Variants in EP400 observed in about 807,000 individuals in gnomAD.
EP400 encodes E1A-binding protein p400.
Under a neutral mutation model 354.1 loss-of-function variants are expected in EP400, and 105 were observed. The observed-to-expected ratio is 0.30, with a 90% CI of 0.25 to 0.35. The LOEUF (loss-of-function observed/expected upper bound fraction) is 0.35, where lower values mean the gene tolerates loss of function less well. Among genes scored for constraint, EP400 ranks in the 10% least tolerant of loss-of-function variants. EP400 has a pLI of 1.00. For missense variants in EP400, 3,280 were observed against 4,121.0 expected, an observed-to-expected ratio of 0.80 and a Z score of 5.59; for synonymous variants, 1,646 against 1,716.9, an observed-to-expected ratio of 0.96 and a Z score of 1.02.
intron 22 of EP400, 119 bp from the exon 23 acceptor site, chr12:132,020,960 C>T: frequency 7.4e-7 from 1 of 1,343,376 alleles, no homozygotes; most frequent in South Asian, 1.6e-5. Context: ...TAAGAGGGGA[C>T]TTCTCATTTG....
At chr12:131,986,172 T>C (rs754869467) in intron 5 of EP400, among the ~76,000 whole-genome samples, 3 of 151,744 alleles carry the variant, frequency 2.0e-5, no homozygotes, top group African/African-American at 7.3e-5. Flanking sequence ...GATGGGGTCT[T>C]TCTTTGTCAA....
rs373114237 is a variant in EP400 at position 131,960,807 on chromosome 12, A to G, written c.188A>G (p.Asn63Ser). Residue 63 changes from asparagine to serine, a missense_variant, in exon 2 of 53, where the codon AAT becomes AGT. Coordinates refer to ENST00000389561, the MANE Select transcript of EP400 (RefSeq NM_015409.5). The part of the protein sequence containing the change: ...SPSYQIQQLM[N>S]RSPATGQNVN... The stretch of plus-strand genomic sequence containing the variant: ...AGTTATCAAATACAGCAGCTGATGA[A>G]TAGGAGCCCTGCAACCGGGCAGAAC... The G allele has an allele frequency of 9.3e-6, 15 of 1,613,388 alleles. No homozygotes were observed. The highest frequency in any genetic ancestry group is 5.3e-5 in the African/African-American group (4 of 74,806).
rs1269766101 is a variant in EP400 at position 132,075,918 on chromosome 12, A to C, written c.9022-598A>C. 1.1e-5 allele frequency: 2 copies of C among 175,938 alleles called. No homozygotes were observed. Among genetic ancestry groups the C allele is most frequent in the African/African-American group, 4.7e-5 (2 of 42,172 alleles). The allele number at this position is 175,938 out of a possible 1,614,324, so 10.9% of individuals were successfully genotyped here. Reference sequence around the variant, plus strand: ...TGCTGATAGGACACACAGGTGGCCCAGAGCCTCTTACTACGTCAAGACAGC... The same window carrying C: ...TGCTGATAGGACACACAGGTGGCCCCGAGCCTCTTACTACGTCAAGACAGC... On this transcript the variant is annotated intron_variant, in intron 51 of 52. Coordinates refer to ENST00000389561, the MANE Select transcript of EP400 (RefSeq NM_015409.5). This position sits in a 1 kb window ranked among gnomAD's most constrained non-coding sequence, Gnocchi z 4.5.
chr12:132,055,524 GGTGTGTGTGAGGTGTAGGGGTT>G (rs1895463806), intron 45 of EP400, among the ~76,000 whole-genome samples: 2 of 135,084 alleles, frequency 1.5e-5, no homozygotes, highest in Non-Finnish European at 3.2e-5. Flanking sequence ...GAGGTGTAGG[GGTGTGTGTGAGGTGTAGGGGTT>G]GTGTGTGTGA....
Position 132,029,131 on chromosome 12 carries a change from C to A in EP400, c.5382-570C>A, listed in dbSNP as rs1249202644. ...TGTGTACTCCTCCCTCATTGAACAT[C>A]ATGGGTGACCATTCGTTCAGTTTGA... On this transcript the variant is annotated intron_variant, in intron 27 of 52. Transcript: ENST00000389561. This position sits in a 1 kb window ranked among gnomAD's most constrained non-coding sequence, Gnocchi z 4.7. 6.5e-6 allele frequency: 1 copy of A among 154,412 alleles called. No individual in the cohort carries two copies. The highest frequency in any genetic ancestry group is 1.4e-5 in the Non-Finnish European group (1 of 69,616). 9.6% of individuals were successfully genotyped at this position (154,412 alleles called of 1,614,324 possible).
In EP400 at chr12:132,044,958, G is replaced by A. The variant is rs1389589715; in HGVS notation, c.6784+5G>A. 6.8e-6 allele frequency: 11 copies of A among 1,613,312 alleles called. No homozygotes were observed. Among genetic ancestry groups the A allele is most frequent in the Admixed American group, 6.7e-5 (4 of 59,886 alleles). ...GACACAAAACAGACCCCTCAGGTGC[G>A]CATCCCGAGGGCGTCACATGACCTG... On this transcript the variant is annotated splice_donor_5th_base_variant and intron_variant, in intron 37 of 52. Transcript: ENST00000389561.
At chr12:132,015,785 C>T (rs1234565404) in intron 19 of EP400, among the ~76,000 whole-genome samples, 1 of 152,174 alleles carries the variant, frequency 6.6e-6, no homozygotes, top group Non-Finnish European at 1.5e-5. Flanking sequence ...GCGCACGCCT[C>T]GCCCCCCTGG....
At position 132,038,103 on chromosome 12, in the gene EP400, A is replaced by G. The variant is rs376105667; in HGVS notation, c.6207+7A>G. ...TGCAAGACCTTTCATAGAGGTAAGA[A>G]TACATTGAATCTGGCTGAAGAGTTG... On this transcript the variant is annotated splice_region_variant and intron_variant, in intron 32 of 52. Transcript: ENST00000389561. The surrounding 1 kb of genome is among the most constrained non-coding windows in gnomAD (Gnocchi z 4.2). The G allele has an allele frequency of 1.2e-5, 19 of 1,609,102 alleles. No individual in the cohort carries two copies. In the Admixed American group the frequency reaches 1.5e-4, roughly 13 times the overall value.
rs1473289596 is a variant in EP400, at chr12:132,070,211, T to C, written c.9021+570T>C. Among the ~76,000 whole-genome samples the C allele has an allele frequency of 3.3e-5, 5 of 152,198 alleles. No individual in the cohort carries two copies. The highest frequency in any genetic ancestry group is 7.3e-5 in the Non-Finnish European group (5 of 68,040). On this transcript the variant is annotated intron_variant, in intron 51 of 52. Transcript: ENST00000389561. This position sits in a 1 kb window ranked among gnomAD's most constrained non-coding sequence, Gnocchi z 4.1. ...CTGGAGTTGGTTTTTGGGTATGAGA[T>C]AGAAACAGGAATTCAGTTAGAGCAG...
At position 131,987,017 on chromosome 12, in the gene EP400, C is replaced by G. The variant is rs553436021; in HGVS notation, c.2223+210C>G. Among the ~76,000 whole-genome samples, 25 of 152,264 alleles carry G rather than the reference C, an allele frequency of 1.6e-4. 2 individuals carry two copies. In the South Asian group the frequency reaches 5.2e-3, roughly 32 times the overall value. ...GTCTGCGTTTTTGTGATAAAGCCTG[C>G]AGTCTTGGGCTGCTTTCATATGGGC... On this transcript the variant is annotated intron_variant, in intron 6 of 52. Transcript: ENST00000389561.
At chr12:132,045,102 C>A in intron 37 of EP400, 149 bp downstream of exon 37, 1 of 1,350,588 alleles carries the variant, frequency 7.4e-7, no homozygotes. Flanking sequence ...CCTCTCAGGC[C>A]ATGTGCACAG....
At chr12:131,988,030 T>A in intron 7 of EP400, 140 bp downstream of exon 7, 1 of 765,266 alleles carries the variant, frequency 1.3e-6, no homozygotes, top group Non-Finnish European at 1.9e-6. Flanking sequence ...GGTCTTGCTC[T>A]GTTGTCCAGG....
intron 50 of EP400, chr12:132,069,290 G>A (rs775366821): frequency 8.0e-6 from 5 of 625,080 alleles, no homozygotes; most frequent in Non-Finnish European, 1.3e-5. Context: ...AGAAGCTGGC[G>A]GCCATGCCGC....
rs563415010 is a variant in EP400, at chr12:131,982,496, G to A, written c.1929+18G>A. ...TGCCACAGGTATGAGAAAAGATAGAGGAAAAAAAGAAAATGGTTTGCAGGA... is the reference window on the plus strand; with the variant it reads ...TGCCACAGGTATGAGAAAAGATAGAAGAAAAAAAGAAAATGGTTTGCAGGA... On this transcript the variant is annotated intron_variant, in intron 5 of 52. Transcript: ENST00000389561. 4.5e-6 allele frequency: 7 copies of A among 1,572,884 alleles called. No individual in the cohort carries two copies. Among genetic ancestry groups the A allele is most frequent in the Admixed American group, 3.8e-5 (2 of 53,118 alleles).
chr12:132,006,321 A>G lies in EP400; in HGVS notation c.3126+19A>G, dbSNP rs779974042. On this transcript the variant is annotated intron_variant, in intron 14 of 52. Transcript: ENST00000389561. ...AACCTCGGTGAGGCGCTAAGCTTTCAAGTGTGGGATGGGCCTTTGAGAGAC... is the reference window on the plus strand; with the variant it reads ...AACCTCGGTGAGGCGCTAAGCTTTCGAGTGTGGGATGGGCCTTTGAGAGAC... 2 of 1,612,120 alleles carry G rather than the reference A, an allele frequency of 1.2e-6. No individual in the cohort carries two copies. The highest frequency in any genetic ancestry group is 1.1e-5 in the South Asian group (1 of 90,952).
Position 131,995,643 on chromosome 12 carries a change from T to G in EP400, c.2827+687T>G, listed in dbSNP as rs531936321. 2.7e-5 allele frequency among the ~76,000 whole-genome samples: 4 copies of G among 147,498 alleles called. No individual in the cohort carries two copies. In the East Asian group the frequency reaches 8.3e-4, roughly 31 times the overall value. ...GAATCCACCACAGCTTGACTGAATG[T>G]GCCGTTCATCCTGAGTGTGTGAGAA... On this transcript the variant is annotated intron_variant, in intron 12 of 52. Coordinates refer to ENST00000389561, the MANE Select transcript of EP400 (RefSeq NM_015409.5).
Position 132,055,679 on chromosome 12 carries a change from AG to A in EP400, c.7884+477del, listed in dbSNP as rs573250330. On this transcript the variant is annotated intron_variant, in intron 45 of 52. Coordinates refer to ENST00000389561, the MANE Select transcript of EP400 (RefSeq NM_015409.5). The stretch of plus-strand genomic sequence containing the variant: ...GTGTAGGGGTATGTGTGTGAGGTGT[AG>A]GGGGGCGTGTGTGAAGTGTAGGGGT... 3.4e-3 allele frequency among the ~76,000 whole-genome samples: 171 copies of A among 50,406 alleles called. 1 individual carries two copies. The highest frequency in any genetic ancestry group is 0.011 in the African/African-American group (122 of 10,952). 33.1% of individuals were successfully genotyped at this position (50,406 alleles called of 152,430 possible).
intron 35 of EP400, 151 bp from the exon 36 acceptor site, chr12:132,044,520 A>G (rs1280119928): frequency 8.5e-7 from 1 of 1,171,960 alleles, no homozygotes; most frequent in Admixed American, 2.4e-5. Context: ...GATATTGACC[A>G]GCTCTGATTA....
intron 32 of EP400, among the ~76,000 whole-genome samples, chr12:132,040,992 CAT>C (rs970528671): frequency 6.6e-6 from 1 of 152,084 alleles, no homozygotes; most frequent in Non-Finnish European, 1.5e-5. Flanking sequence ...AACTGGGGGA[CAT>C]GTGGGGGCAG....
Sources: gnomAD v4.1 joint callset for allele counts (sites outside exome capture counted in the v4.1 genomes callset) on GRCh38, gnomAD v4.1.1 for gene constraint, Gnocchi (gnomAD v3.1) non-coding constraint, MANE v1.5 for transcripts, NCBI Gene and HGNC (gene_info 2026-07-23, HGNC 2026-07-21) for gene names.